Variants in CNGB3 observed in about 807,000 individuals in gnomAD.
The protein encoded by CNGB3 is cyclic nucleotide gated channel subunit beta 3.
In CNGB3, 86 loss-of-function variants were observed where a neutral mutation model predicts 92.8. The observed-to-expected ratio is 0.93, with a 90% confidence interval of 0.78 to 1.11. The LOEUF (loss-of-function observed/expected upper bound fraction) is 1.11, where lower values mean the gene tolerates loss of function less well. Ranked by LOEUF, CNGB3 falls within the 50% of genes least tolerant of loss-of-function variation. CNGB3 has a pLI of 0.00. For synonymous variants in CNGB3, 333 were observed against 332.7 expected (o/e 1.00, Z -0.01); for missense variants, 1,026 against 956.8 (o/e 1.07, Z -0.95).
chr8:86,677,191 T>C (rs1372083046), intron 3 of CNGB3, among the ~76,000 whole-genome samples: 1 of 152,198 alleles, frequency 6.6e-6, no homozygotes, highest in Non-Finnish European at 1.5e-5. Flanking sequence ...GCTTCTAGCC[T>C]CCAGAACTGC....
intron 3 of CNGB3, among the ~76,000 whole-genome samples, chr8:86,716,512 A>G (rs955269749): frequency 1.3e-5 from 2 of 152,258 alleles, no homozygotes; most frequent in Non-Finnish European, 2.9e-5. Context: ...CTAGAGTAAC[A>G]GCAGATTTCT....
intron 13 of CNGB3, among the ~76,000 whole-genome samples, chr8:86,624,123 T>C (rs185890182): frequency 6.6e-6 from 1 of 152,300 alleles, no homozygotes; most frequent in East Asian, 1.9e-4. Context: ...GAGTATAATT[T>C]ACAGTCTATA....
At chr8:86,656,074 TA>T (rs1234941540) in intron 6 of CNGB3, among the ~76,000 whole-genome samples, 1 of 152,250 alleles carries the variant, frequency 6.6e-6, no homozygotes, top group Non-Finnish European at 1.5e-5. Context: ...ATACATGTAC[TA>T]AATTTTACAG....
chr8:86,634,964 C>CT (rs34047280), intron 10 of CNGB3, among the ~76,000 whole-genome samples: 26,675 of 144,218 alleles, frequency 0.18, 2,613 homozygotes, highest in Admixed American at 0.26. Flanking sequence ...ACATAGGACT[C>CT]TTTTTTTTTT....
intron 15 of CNGB3, among the ~76,000 whole-genome samples, chr8:86,588,953 G>C (rs1666265954): frequency 6.6e-6 from 1 of 152,054 alleles, no homozygotes; most frequent in South Asian, 2.1e-4. Context: ...ATTCGGCTGT[G>C]AATCCATCTG....
rs754960064 is a variant in CNGB3 at position 86,726,620 on chromosome 8, G to A, written c.249C>T (p.Thr83=). 16 of 1,613,706 alleles carry A rather than the reference G, an allele frequency of 9.9e-6. No homozygotes were observed. The highest frequency in any genetic ancestry group is 1.4e-5 in the Non-Finnish European group (16 of 1,179,772). The stretch of plus-strand genomic sequence containing the variant: ...CTGCATTTTGAGGGTCAGGGTTTGT[G>A]GTCAGATCTCCAGAGGAATTTTTCT... ...LSKKNSSGDL[T]TNPDPQNAAE... is the part of the protein sequence containing the mutation. The change falls in exon 3 of 18, where the codon ACC becomes ACT. Residue 83 remains threonine, a synonymous_variant. Transcript: ENST00000320005.
intron 13 of CNGB3, among the ~76,000 whole-genome samples, chr8:86,625,292 T>A (rs1822824407): frequency 6.6e-6 from 1 of 152,164 alleles, no homozygotes; most frequent in South Asian, 2.1e-4. Flanking sequence ...TGTTTTCAGC[T>A]ATTATATTCC....
chr8:86,615,771 G>A (rs544265781), intron 13 of CNGB3, among the ~76,000 whole-genome samples: 3 of 152,056 alleles, frequency 2.0e-5, no homozygotes, highest in Non-Finnish European at 4.4e-5. Context: ...ATGTTTATAT[G>A]ACCATAAAGT....
chr8:86,647,955 C>T (rs1321009633), intron 7 of CNGB3, 68 bp from the exon 8 acceptor site: 21 of 930,060 alleles, frequency 2.3e-5, no homozygotes, highest in Middle Eastern at 2.1e-4. Flanking sequence ...TGGATTTACG[C>T]TGATGTCTGT....
At chr8:86,581,439 G>C (rs975675069) in intron 15 of CNGB3, among the ~76,000 whole-genome samples, 5 of 152,152 alleles carry the variant, frequency 3.3e-5, no homozygotes, top group Non-Finnish European at 1.5e-5. Context: ...GAAGAGCCAA[G>C]GAAGATCCCC....
intron 3 of CNGB3, among the ~76,000 whole-genome samples, chr8:86,718,079 AC>A: frequency 6.6e-6 from 1 of 152,308 alleles, no homozygotes; most frequent in Admixed American, 6.5e-5. Context: ...GAACAAAGTG[AC>A]AATCTAAGGT....
intron 3 of CNGB3, among the ~76,000 whole-genome samples, chr8:86,688,677 C>T (rs1452133270): frequency 6.6e-6 from 1 of 151,726 alleles, no homozygotes; most frequent in East Asian, 1.9e-4. Context: ...CCTTTTTCAT[C>T]TCTCATTTTA....
At chr8:86,607,711 A>T (rs542336810) in intron 14 of CNGB3, among the ~76,000 whole-genome samples, 1 of 152,298 alleles carries the variant, frequency 6.6e-6, no homozygotes, top group African/African-American at 2.4e-5. Flanking sequence ...GCATCTGAAG[A>T]AAACTCCCAC....
chr8:86,677,745 G>T (rs1003288870), intron 3 of CNGB3, among the ~76,000 whole-genome samples: 5 of 152,192 alleles, frequency 3.3e-5, no homozygotes, highest in Non-Finnish European at 7.3e-5. Flanking sequence ...CACATAAAGT[G>T]AGTAGGATGG....
At chr8:86,603,675 G>T (rs1822354579) in intron 15 of CNGB3, among the ~76,000 whole-genome samples, 1 of 152,168 alleles carries the variant, frequency 6.6e-6, no homozygotes, top group Non-Finnish European at 1.5e-5. Context: ...CAGTAGTGGT[G>T]AAACTGGAGT....
Position 86,644,686 on chromosome 8 carries a change from AC to A in CNGB3, c.991-1del, listed in dbSNP as rs779945354. The A allele has an allele frequency of 3.2e-6, 5 of 1,556,828 alleles. No homozygotes were observed. In the South Asian group the frequency reaches 6.2e-5, roughly 19 times the overall value. On this transcript the variant is annotated splice_acceptor_variant, in intron 8 of 17. Coordinates refer to ENST00000320005, the MANE Select transcript of CNGB3 (RefSeq NM_019098.5). LOFTEE classifies it high-confidence loss of function. ...TGATTAAATTCAAAAAATGAAGTGT[AC>A]TATATAGAAAAGCAAAAGAAATCCA...
At chr8:86,611,060 T>G (rs1283078704) in intron 14 of CNGB3, among the ~76,000 whole-genome samples, 1 of 152,198 alleles carries the variant, frequency 6.6e-6, no homozygotes, top group African/African-American at 2.4e-5. Flanking sequence ...GGCCAAAATA[T>G]ATGAAGAGTG....
intron 3 of CNGB3, among the ~76,000 whole-genome samples, chr8:86,685,195 T>A (rs956022467): frequency 7.2e-5 from 11 of 152,118 alleles, no homozygotes; most frequent in African/African-American, 2.4e-4. Flanking sequence ...CAAATTAAAT[T>A]TTTAATTCAT....
chr8:86,706,467 G>A (rs556571297), intron 3 of CNGB3, among the ~76,000 whole-genome samples: 1 of 152,298 alleles, frequency 6.6e-6, no homozygotes, highest in South Asian at 2.1e-4. Context: ...GCACTGTATT[G>A]AGCTCCAAGT....
Sources: allele counts gnomAD v4.1 joint callset (sites outside exome capture counted in the v4.1 genomes callset), GRCh38; gene constraint gnomAD v4.1.1; transcripts MANE v1.5; gene names NCBI Gene and HGNC (gene_info 2026-07-23, HGNC 2026-07-21).